The following RSRP1 variants were observed in gnomAD, a reference collection of about 807,000 sequenced individuals.
The protein encoded by RSRP1 is arginine and serine rich protein 1.
Under a neutral mutation model 33.0 loss-of-function variants are expected in RSRP1, and 37 were observed. The ratio of observed to expected loss-of-function variants is 1.12; its 90% confidence interval spans 0.86 to 1.48. The LOEUF (loss-of-function observed/expected upper bound fraction) is 1.48, where lower values mean the gene tolerates loss of function less well. Among genes scored for constraint, RSRP1 ranks in the 40% most tolerant of loss-of-function variants. RSRP1 has a pLI of 0.00. For synonymous variants in RSRP1, 167 were observed against 158.7 expected, an observed-to-expected ratio of 1.05 and a Z score of -0.40; for missense variants, 402 against 385.3, an observed-to-expected ratio of 1.04 and a Z score of -0.36.
rs1383007416 is a variant in RSRP1, at chr1:25,266,651, T to G, written c.-66-19622A>C. 2 of 130,278 alleles carry G rather than the reference T, an allele frequency of 1.5e-5. 1 individual carries two copies. The highest frequency in any genetic ancestry group is 5.6e-5 in the African/African-American group (2 of 35,426). The allele number at this position is 130,278 out of a possible 1,614,324, so 8.1% of individuals were successfully genotyped here. ...CTTGGTTCCCATCTCACTCATATAC[T>G]GCCGCCGTACATGTCAATCAGATGA... On this transcript the variant is annotated intron_variant, in intron 1 of 1. Transcript: ENST00000561867.
intron 1 of RSRP1, chr1:25,272,465 G>A (rs867840441): frequency 4.1e-6 from 6 of 1,461,634 alleles, no homozygotes; most frequent in South Asian, 2.4e-5. Flanking sequence ...CTCCCCTATC[G>A]CTCCCTCAAG....
At chr1:25,244,642 T>C in intron 3 of RSRP1, 2 of 1,237,894 alleles carry the variant, frequency 1.6e-6, no homozygotes, top group Non-Finnish European at 2.1e-6. Context: ...AAGTACCAGC[T>C]AATAACGGTG....
intron 1 of RSRP1, chr1:25,253,363 G>C (rs1172729706): frequency 6.6e-6 from 1 of 152,576 alleles, no homozygotes; most frequent in African/African-American, 2.4e-5. Flanking sequence ...CTATCCCATT[G>C]TTTTGTTTTT....
chr1:25,313,876 C>T (rs577045002), intron 1 of RSRP1, among the ~76,000 whole-genome samples: 1 of 132,628 alleles, frequency 7.5e-6, no homozygotes, highest in East Asian at 1.9e-4. Flanking sequence ...ATTAGTGTGG[C>T]CCTGTCATAA....
Position 25,306,718 on chromosome 1 carries a change from C to T in RSRP1, c.-67+31260G>A, listed in dbSNP as rs778695625. The T allele has an allele frequency of 4.0e-5, 55 of 1,377,452 alleles. 17 individuals are homozygous for T. Among genetic ancestry groups the T allele is most frequent in the Middle Eastern group, 1.8e-4 (1 of 5,504 alleles). The allele number at this position is 1,377,452 out of a possible 1,614,324, so 85.3% of individuals were successfully genotyped here. A position where few individuals can be genotyped will look rare whatever the true frequency, so the allele number is the denominator to read the frequency against. On this transcript the variant is annotated intron_variant, in intron 1 of 1. Transcript: ENST00000561867. ...TGCTGGTGCTTGATACCGTCGGAGC[C>T]GGCAATGGCATGTGGGTCACTGGGC...
chr1:25,245,148 A>C lies in RSRP1; in HGVS notation c.672+2T>G. On this transcript the variant is annotated splice_donor_variant, in intron 3 of 4. Transcript: ENST00000243189. LOFTEE classifies it high-confidence loss of function. ...TTGTTCCGACAAACCTAGAATACTT[A>C]CTTCAGGCTTTGCACCATTACTTGA... 1 of 1,614,146 alleles carries C rather than the reference A, an allele frequency of 6.2e-7. No individual in the cohort carries two copies. Among genetic ancestry groups the C allele is most frequent in the Non-Finnish European group, 8.5e-7 (1 of 1,180,020 alleles).
chr1:25,277,939 G>T (rs1641158332), intron 1 of RSRP1, among the ~76,000 whole-genome samples: 1 of 133,378 alleles, frequency 7.5e-6, no homozygotes, highest in Admixed American at 7.2e-5. Context: ...CTCCCAAAGT[G>T]CTGGGATTAC....
At chr1:25,244,515 G>C (rs1482113018) in intron 3 of RSRP1, 10 of 1,289,138 alleles carry the variant, frequency 7.8e-6, no homozygotes, top group Middle Eastern at 2.1e-4. Flanking sequence ...GACAGAAATA[G>C]AGCAGATAAA....
chr1:25,244,177 T>G, intron 3 of RSRP1: 1 of 1,288,952 alleles, frequency 7.8e-7, no homozygotes, highest in Non-Finnish European at 1.0e-6. Flanking sequence ...TATAATAAAC[T>G]TATCTGCAAG....
chr1:25,248,405 G>A (rs965594209), upstream of RSRP1: 2 of 146,024 alleles, frequency 1.4e-5, no homozygotes, highest in African/African-American at 5.1e-5. Flanking sequence ...CTGGAGTGTG[G>A]TGGGGCCATC....
intron 1 of RSRP1, among the ~76,000 whole-genome samples, chr1:25,332,203 C>G (rs1571783986): frequency 7.9e-6 from 1 of 126,268 alleles, no homozygotes; most frequent in Non-Finnish European, 1.9e-5. Flanking sequence ...CACCTAGCTA[C>G]TTTTTGTATT....
rs1643826297 is a variant in RSRP1 at position 25,306,277 on chromosome 1, T to C, written c.-67+31701A>G. ...GGGCAGCCCCCACCACAAGGAATTA[T>C]CAGCTGAAATTGTGAACAGTGTCTA... On this transcript the variant is annotated intron_variant, in intron 1 of 1. Transcript: ENST00000561867. Among the ~76,000 whole-genome samples, 2 of 131,752 alleles carry C rather than the reference T, an allele frequency of 1.5e-5. 1 individual carries two copies. Among genetic ancestry groups the C allele is most frequent in the South Asian group, 4.6e-4 (2 of 4,344 alleles). 86.4% of individuals were successfully genotyped at this position (131,752 alleles called of 152,430 possible).
At chr1:25,273,299 C>T (rs1477871494) in intron 1 of RSRP1, among the ~76,000 whole-genome samples, 2 of 112,392 alleles carry the variant, frequency 1.8e-5, no homozygotes, top group Non-Finnish European at 3.9e-5. Context: ...CCATGCCTGG[C>T]TAATTTTTTT....
At position 25,244,874 on chromosome 1, in the gene RSRP1, C is replaced by T. The variant is rs185801458; in HGVS notation, c.672+276G>A. Reference sequence around the variant, plus strand: ...AATTTTTGTATTTTTTGTAAACACGCGGTTTTGCCACATTGCCCAGGCTAG... The same window carrying T: ...AATTTTTGTATTTTTTGTAAACACGTGGTTTTGCCACATTGCCCAGGCTAG... On this transcript the variant is annotated intron_variant, in intron 3 of 4. Coordinates refer to ENST00000243189, the MANE Select transcript of RSRP1 (RefSeq NM_020317.5). 1.1e-3 allele frequency: 1,249 copies of T among 1,159,658 alleles called. 23 individuals are homozygous for T. In the South Asian group the frequency reaches 0.019, roughly 18 times the overall value. The allele number at this position is 1,159,658 out of a possible 1,614,324, so 71.8% of individuals were successfully genotyped here.
At chr1:25,305,898 A>G (rs12126031) in intron 1 of RSRP1, among the ~76,000 whole-genome samples, 32,281 of 130,480 alleles carry the variant, frequency 0.25, 9,188 homozygotes, top group Admixed American at 0.31. Flanking sequence ...CACCGTGCCC[A>G]ACCTGGATTT....
At chr1:25,292,384 C>T (rs1458805266) in intron 1 of RSRP1, among the ~76,000 whole-genome samples, 1 of 132,504 alleles carries the variant, frequency 7.5e-6, no homozygotes, top group African/African-American at 2.6e-5. Context: ...TGATTGCCAT[C>T]ATCCAGACTC....
chr1:25,246,622 C>G lies in RSRP1; in HGVS notation c.342G>C (p.Arg114=). ...YYRSPSRYRS[R]SRSRSRSRGR... ...CCCGAGAGCGCGACCTGCTACGGGA[C>G]CGGGACCGGTACCGCGAAGGAGACC... The change falls in exon 2 of 5, where the codon CGG becomes CGC. Residue 114 remains arginine, a synonymous_variant. Transcript: ENST00000243189. 1 of 1,614,084 alleles carries G rather than the reference C, an allele frequency of 6.2e-7. No individual in the cohort carries two copies. The highest frequency in any genetic ancestry group is 1.1e-5 in the South Asian group (1 of 91,078).
chr1:25,286,796 AAC>A lies in RSRP1; in HGVS notation c.-66-39769_-66-39768del, dbSNP rs565371726. 4.9e-3 allele frequency among the ~76,000 whole-genome samples: 641 copies of A among 131,284 alleles called. 61 individuals are homozygous for A. The highest frequency in any genetic ancestry group is 0.016 in the African/African-American group (576 of 37,120). The allele number at this position is 131,284 out of a possible 152,430, so 86.1% of individuals were successfully genotyped here. On this transcript the variant is annotated intron_variant, in intron 1 of 1. Transcript: ENST00000561867. Reference sequence around the variant, plus strand: ...GCGAGACTCCGTCTCAAAAAAAAAAAACAAAAACAGTTTTAGGCCAGGCGCGG... The same window carrying A: ...GCGAGACTCCGTCTCAAAAAAAAAAAAAAAACAGTTTTAGGCCAGGCGCGG...
intron 1 of RSRP1, among the ~76,000 whole-genome samples, chr1:25,316,669 T>G (rs1381104021): frequency 1.7e-5 from 2 of 121,136 alleles, no homozygotes; most frequent in African/African-American, 2.8e-5. Flanking sequence ...CTCTGAGAGG[T>G]TGAGGGACTT....
Sources: allele counts gnomAD v4.1 joint callset (sites outside exome capture counted in the v4.1 genomes callset), GRCh38; gene constraint gnomAD v4.1.1; transcripts MANE v1.5; gene names NCBI Gene and HGNC (gene_info 2026-07-23, HGNC 2026-07-21).